ANKRD52: variants seen among roughly 807,000 people sequenced by gnomAD.
ANKRD52 encodes the protein serine/threonine-protein phosphatase 6 regulatory ankyrin repeat subunit C.
A neutral mutation model predicts 116.0 loss-of-function variants in ANKRD52; 7 were observed. The ratio of observed to expected loss-of-function variants is 0.06; its 90% CI spans 0.03 to 0.11. ANKRD52 has a LOEUF of 0.11. ANKRD52 is among the 10% of genes least tolerant of loss of function. ANKRD52 has a pLI of 1.00. For missense variants in ANKRD52, 839 were observed against 1,408.6 expected (o/e 0.60, Z 6.47); for synonymous variants, 528 against 578.1 (o/e 0.91, Z 1.24).
At position 56,255,735 on chromosome 12, in the gene ANKRD52, G is replaced by A; in HGVS notation, c.462+49C>T. The A allele has an allele frequency of 6.6e-7, 1 of 1,507,184 alleles. No homozygotes were observed. The highest frequency in any genetic ancestry group is 1.2e-5 in the South Asian group (1 of 82,692). 93.4% of individuals were successfully genotyped at this position (1,507,184 alleles called of 1,614,324 possible). On this transcript the variant is annotated intron_variant, in intron 5 of 27. Coordinates refer to ENST00000267116, the MANE Select transcript of ANKRD52 (RefSeq NM_173595.4). The surrounding 1 kb of genome is among the most constrained non-coding windows in gnomAD (Gnocchi z 4.3). Reference sequence around the variant, plus strand: ...GAAGCAGGGAAACGTGAGTAGGAAGGTAAGAAAAGGGAAAGCCCCAGCTGG... The same window carrying A: ...GAAGCAGGGAAACGTGAGTAGGAAGATAAGAAAAGGGAAAGCCCCAGCTGG...
Position 56,247,167 on chromosome 12 carries a change from A to T in ANKRD52, c.2184+326T>A, listed in dbSNP as rs191948355. 2.4e-3 allele frequency among the ~76,000 whole-genome samples: 358 copies of T among 150,824 alleles called. 4 individuals carry two copies. The highest frequency in any genetic ancestry group is 8.4e-3 in the African/African-American group (347 of 41,248). ...CAAGACCAGCTTGGGCAAGATGGTA[A>T]GACCCCCATATCTACAAAAAATACA... On this transcript the variant is annotated intron_variant, in intron 20 of 27. Transcript: ENST00000267116.
At position 56,243,705 on chromosome 12, in the gene ANKRD52, G is replaced by GC; in HGVS notation, c.2980+79dup. The GC allele has an allele frequency of 7.2e-7, 1 of 1,393,112 alleles. No individual in the cohort carries two copies. Among genetic ancestry groups the GC allele is most frequent in the East Asian group, 2.5e-5 (1 of 39,882 alleles). 86.3% of individuals were successfully genotyped at this position (1,393,112 alleles called of 1,614,324 possible). A position where few individuals can be genotyped will look rare whatever the true frequency, so the allele number is the denominator to read the frequency against. On this transcript the variant is annotated intron_variant, in intron 27 of 27. Transcript: ENST00000267116. The surrounding 1 kb of genome is among the most constrained non-coding windows in gnomAD (Gnocchi z 4.6). ...CCTTGGGAAGAAAATCCCATGTATA[G>GC]CAAGATTAAGAAGTCACCTCCTGAA...
chr12:56,253,450 G>T lies in ANKRD52; in HGVS notation c.986-48C>A. ...AAGCTCAGGCAGACCTCAGGCTTAAGACCACTTTCGCGAGCTAGCCATGAT... is the reference window on the plus strand; with the variant it reads ...AAGCTCAGGCAGACCTCAGGCTTAATACCACTTTCGCGAGCTAGCCATGAT... On this transcript the variant is annotated intron_variant, in intron 9 of 27. Coordinates refer to ENST00000267116, the MANE Select transcript of ANKRD52 (RefSeq NM_173595.4). This position sits in a 1 kb window ranked among gnomAD's most constrained non-coding sequence, Gnocchi z 5.5. 6.9e-7 allele frequency: 1 copy of T among 1,456,366 alleles called. No individual in the cohort carries two copies. The highest frequency in any genetic ancestry group is 9.6e-7 in the Non-Finnish European group (1 of 1,041,836). 90.2% of individuals were successfully genotyped at this position (1,456,366 alleles called of 1,614,324 possible).
chr12:56,256,392 C>A (rs918325585), intron 4 of ANKRD52, among the ~76,000 whole-genome samples: 1 of 152,222 alleles, frequency 6.6e-6, no homozygotes, highest in Admixed American at 6.5e-5. Context: ...CTCATAGGCA[C>A]CAAAATTATT....
chr12:56,246,277 G>A (rs945764059), intron 20 of ANKRD52, among the ~76,000 whole-genome samples: 16 of 152,010 alleles, frequency 1.1e-4, no homozygotes, highest in Admixed American at 6.6e-5. Flanking sequence ...TGATCTGCCC[G>A]CCTTGGCCTT....
rs1197545481 is a variant in ANKRD52 at position 56,254,085 on chromosome 12, C to A, written c.888G>T (p.Gly296=). The A allele has an allele frequency of 6.2e-7, 1 of 1,613,630 alleles. No individual in the cohort carries two copies. Among genetic ancestry groups the A allele is most frequent in the East Asian group, 2.2e-5 (1 of 44,864 alleles). The stretch of plus-strand genomic sequence containing the variant: ...CAGGCACCTGGTAGTTGACGTCAGC[C>A]CCATTATTAACCAGTAGCTCCAAGC... ...ALCLELLVNN[G]ADVNYQSKEG... Residue 296 remains glycine, a synonymous_variant, in exon 8 of 28, where the codon GGG becomes GGT. Transcript: ENST00000267116. This position sits in a 1 kb window ranked among gnomAD's most constrained non-coding sequence, Gnocchi z 4.6.
chr12:56,243,936 G>A lies in ANKRD52; in HGVS notation c.2889-60C>T, dbSNP rs1565606975. On this transcript the variant is annotated intron_variant, in intron 26 of 27. Transcript: ENST00000267116. This position sits in a 1 kb window ranked among gnomAD's most constrained non-coding sequence, Gnocchi z 4.6. ...AAGCTGCCCTTCCACCTCCAGACAG[G>A]GTGGCAAGGGTGCTGAACAAATACA... 1 of 1,597,138 alleles carries A rather than the reference G, an allele frequency of 6.3e-7. No homozygotes were observed.
Position 56,253,517 on chromosome 12 carries a change from T to G in ANKRD52, c.986-115A>C. ...TATGCATCAGGTGCCAGGCCCAGGA[T>G]TCTACATATTTTATCCTGTTTCTAG... On this transcript the variant is annotated intron_variant, in intron 9 of 27. Transcript: ENST00000267116. This position sits in a 1 kb window ranked among gnomAD's most constrained non-coding sequence, Gnocchi z 5.5. The G allele has an allele frequency of 7.3e-6, 7 of 957,502 alleles. No homozygotes were observed. The highest frequency in any genetic ancestry group is 1.1e-5 in the Non-Finnish European group (7 of 619,082). 59.3% of individuals were successfully genotyped at this position (957,502 alleles called of 1,614,324 possible). A position where few individuals can be genotyped will look rare whatever the true frequency, so the allele number is the denominator to read the frequency against.
intron 2 of ANKRD52, 26 bp from the exon 3 acceptor site, chr12:56,257,387 G>GT (rs1170299865): frequency 1.3e-6 from 2 of 1,557,402 alleles, no homozygotes; most frequent in Admixed American, 3.8e-5. Flanking sequence ...AGAGCAGGGA[G>GT]TATGGGCGCG....
chr12:56,246,162 T>C (rs963337734), intron 20 of ANKRD52, among the ~76,000 whole-genome samples: 13 of 152,198 alleles, frequency 8.5e-5, no homozygotes, highest in African/African-American at 3.1e-4. Context: ...CCCAAGTAGC[T>C]GGGATTATAG....
chr12:56,256,942 T>G (rs1871981408), intron 4 of ANKRD52, 73 bp downstream of exon 4: 1 of 1,484,586 alleles, frequency 6.7e-7, no homozygotes, highest in African/African-American at 1.4e-5. Flanking sequence ...GGACTGAGGC[T>G]CCTTAACCCT....
At chr12:56,247,982 G>A in intron 18 of ANKRD52, 41 bp downstream of exon 18, 1 of 1,543,198 alleles carries the variant, frequency 6.5e-7, no homozygotes, top group South Asian at 1.2e-5. Flanking sequence ...GAGGGATCTG[G>A]CATGGCAAGG....
intron 18 of ANKRD52, 73 bp from the exon 19 acceptor site, chr12:56,247,847 T>G: frequency 6.7e-7 from 1 of 1,490,300 alleles, no homozygotes; most frequent in South Asian, 1.2e-5. Context: ...CTAAAGGACT[T>G]GGGGTCAATG....
chr12:56,257,817 TC>T lies in ANKRD52; in HGVS notation c.111+10del. ...ATTCCGGTCTCGCCATCCTCCCTGC[TC>T]CCAACTCACCAGCACATTGATGTTC... is the stretch of plus-strand genomic sequence containing the variant. On this transcript the variant is annotated intron_variant, in intron 2 of 27. Transcript: ENST00000267116. 1 of 1,613,280 alleles carries T rather than the reference TC, an allele frequency of 6.2e-7. No individual in the cohort carries two copies.
chr12:56,247,125 A>G (rs1013538293), intron 20 of ANKRD52, among the ~76,000 whole-genome samples: 2 of 151,012 alleles, frequency 1.3e-5, no homozygotes, highest in African/African-American at 4.8e-5. Flanking sequence ...TGGGGGGATC[A>G]CTTGAACCCA....
chr12:56,257,676 C>A (rs988443471), intron 2 of ANKRD52, among the ~76,000 whole-genome samples, 152 bp downstream of exon 2: 3 of 152,178 alleles, frequency 2.0e-5, no homozygotes, highest in South Asian at 2.1e-4. Context: ...TGCTCTCCAT[C>A]CCCAAATGCA....
In ANKRD52 at chr12:56,248,356, C is replaced by T. The variant is rs1478032203; in HGVS notation, c.1777-132G>A. ...GACAAGCTCCTTGGGCCCCTTAAGG[C>T]TTCCTACCCTGCACTGTGCTTATCC... On this transcript the variant is annotated intron_variant, in intron 17 of 27. Coordinates refer to ENST00000267116, the MANE Select transcript of ANKRD52 (RefSeq NM_173595.4). This position sits in a 1 kb window ranked among gnomAD's most constrained non-coding sequence, Gnocchi z 5.1. The T allele has an allele frequency of 7.8e-6, 11 of 1,405,100 alleles. No homozygotes were observed. The highest frequency in any genetic ancestry group is 1.1e-5 in the Non-Finnish European group (11 of 1,014,920). The allele number at this position is 1,405,100 out of a possible 1,614,324, so 87.0% of individuals were successfully genotyped here.
Position 56,239,085 on chromosome 12 carries a change from C to G in ANKRD52, c.*4057G>C, listed in dbSNP as rs776449141. ...CTCCCAAATGCAGTGACAGTGTCCCCCTCACACCTAAGTGGGCAACAGCAG... is the reference window on the plus strand; with the variant it reads ...CTCCCAAATGCAGTGACAGTGTCCCGCTCACACCTAAGTGGGCAACAGCAG... On this transcript the variant is annotated 3_prime_UTR_variant, in exon 28 of 28. Transcript: ENST00000267116. 6.6e-6 allele frequency: 1 copy of G among 152,412 alleles called. No homozygotes were observed. Among genetic ancestry groups the G allele is most frequent in the Non-Finnish European group, 1.5e-5 (1 of 68,176 alleles). The allele number at this position is 152,412 out of a possible 1,614,324, so 9.4% of individuals were successfully genotyped here.
rs1202487288 is a variant in ANKRD52, at chr12:56,239,498, G to C, written c.*3644C>G. The C allele has an allele frequency of 1.3e-5, 2 of 152,326 alleles. No individual in the cohort carries two copies. Among genetic ancestry groups the C allele is most frequent in the Non-Finnish European group, 2.9e-5 (2 of 68,116 alleles). The allele number at this position is 152,326 out of a possible 1,614,324, so 9.4% of individuals were successfully genotyped here. A position where few individuals can be genotyped will look rare whatever the true frequency, so the allele number is the denominator to read the frequency against. Reference sequence around the variant, plus strand: ...GGCTATTTTCCTTTGCGGTGGGAAGGGGAGGTAGGGGATGAACACTGGGTA... The same window carrying C: ...GGCTATTTTCCTTTGCGGTGGGAAGCGGAGGTAGGGGATGAACACTGGGTA... On this transcript the variant is annotated 3_prime_UTR_variant, in exon 28 of 28. Transcript: ENST00000267116.
Sources: allele counts gnomAD v4.1 joint callset (sites outside exome capture counted in the v4.1 genomes callset), GRCh38; gene constraint gnomAD v4.1.1; non-coding constraint Gnocchi (gnomAD v3.1); transcripts MANE v1.5; gene names NCBI Gene and HGNC (gene_info 2026-07-23, HGNC 2026-07-21).